The following NALF1 variants were observed in gnomAD, a reference collection of about 807,000 sequenced individuals.
NALF1 encodes the protein family with sequence similarity 155 member A.
NALF1 carries 3 observed loss-of-function variants against 48.4 expected under a neutral mutation model. The observed-to-expected ratio is 0.06, with a 90% CI of 0.03 to 0.16. The LOEUF is 0.16. Among genes scored for constraint, NALF1 ranks in the 10% least tolerant of loss-of-function variants. The probability of loss-of-function intolerance (pLI) is 1.00; values close to 1 mark genes in which losing one functional copy is unlikely to be tolerated. For missense variants in NALF1, 526 were observed against 571.5 expected, an observed-to-expected ratio of 0.92 and a Z score of 0.81; for synonymous variants, 262 against 245.7, an observed-to-expected ratio of 1.07 and a Z score of -0.62.
chr13:107,812,691 G>A (rs1168782258), intron 1 of NALF1, among the ~76,000 whole-genome samples: 1 of 152,146 alleles, frequency 6.6e-6, no homozygotes, highest in African/African-American at 2.4e-5. Context: ...AAGCCATGGA[G>A]TCTGTTTTCA....
At chr13:107,756,456 A>ATATATATATATATATAT (rs1877099055) in intron 1 of NALF1, among the ~76,000 whole-genome samples, 9 of 110,800 alleles carry the variant, frequency 8.1e-5, no homozygotes, top group African/African-American at 3.3e-4. Flanking sequence ...TATATATATA[A>ATATATATATATATATAT]AGCATAAATA....
At position 107,167,755 on chromosome 13, in the gene NALF1, T is replaced by G. The variant is rs1446297711; in HGVS notation, c.*2742A>C. 2.7e-5 allele frequency: 2 copies of G among 75,350 alleles called. No individual in the cohort carries two copies. Among genetic ancestry groups the G allele is most frequent in the East Asian group, 3.2e-4 (1 of 3,088 alleles). The allele number at this position is 75,350 out of a possible 1,614,324, so 4.7% of individuals were successfully genotyped here. On this transcript the variant is annotated 3_prime_UTR_variant, in exon 3 of 3. Transcript: ENST00000375915. ...GTTTCTCCCAACTTTCAAAGCTGTG[T>G]TTTTTTTTGGGGGGTGGGGGGCAGT...
chr13:107,511,253 C>T lies in NALF1; in HGVS notation c.916-300498G>A, dbSNP rs1875881442. 2.0e-5 allele frequency among the ~76,000 whole-genome samples: 3 copies of T among 152,168 alleles called. No individual in the cohort carries two copies. The South Asian group carries it at 6.2e-4, about 32-fold the overall frequency. On this transcript the variant is annotated intron_variant, in intron 1 of 2. Coordinates refer to ENST00000375915, the MANE Select transcript of NALF1 (RefSeq NM_001080396.3). The stretch of plus-strand genomic sequence containing the variant: ...AAATCCGACTCTTCCGTTGTCTGTA[C>T]ATAGTGTGACTAGATCGTATTGTCG...
intron 1 of NALF1, among the ~76,000 whole-genome samples, chr13:107,571,060 A>G (rs1487297119): frequency 6.6e-6 from 1 of 152,236 alleles, no homozygotes; most frequent in Non-Finnish European, 1.5e-5. Context: ...ACTTTTACAA[A>G]CATCATGTAT....
At chr13:107,292,369 T>C (rs1310039815) in intron 1 of NALF1, among the ~76,000 whole-genome samples, 1 of 152,232 alleles carries the variant, frequency 6.6e-6, no homozygotes, top group Admixed American at 6.5e-5. Flanking sequence ...CACTAATTTT[T>C]TTAAACTTTT....
intron 1 of NALF1, among the ~76,000 whole-genome samples, chr13:107,849,388 CTT>C (rs1448807135): frequency 2.0e-5 from 3 of 152,122 alleles, no homozygotes; most frequent in African/African-American, 7.2e-5. Flanking sequence ...GTTTGTAAGA[CTT>C]TGGGAAGATT....
rs1472903598 is a variant in NALF1, at chr13:107,196,673, CAGTGGTCT to C, written c.1087+13903_1087+13910del. On this transcript the variant is annotated intron_variant, in intron 2 of 2. Transcript: ENST00000375915. Reference sequence around the variant, plus strand: ...GTTCAAATATAGAGAGATGATAAAACAGTGGTCTCCATGGTGGGGGAGATGGGGAGATG... The same window carrying C: ...GTTCAAATATAGAGAGATGATAAAACCCATGGTGGGGGAGATGGGGAGATG... Among the ~76,000 whole-genome samples, 24 of 152,052 alleles carry C rather than the reference CAGTGGTCT, an allele frequency of 1.6e-4. 1 individual carries two copies. Among genetic ancestry groups the C allele is most frequent in the Admixed American group, 2.6e-4 (4 of 15,268 alleles).
At chr13:107,479,272 G>T (rs1419348269) in intron 1 of NALF1, among the ~76,000 whole-genome samples, 1 of 152,004 alleles carries the variant, frequency 6.6e-6, no homozygotes, top group African/African-American at 2.4e-5. Context: ...GAGCTATCAG[G>T]GTCTGACTTC....
At chr13:107,306,732 G>A (rs999730786) in intron 1 of NALF1, among the ~76,000 whole-genome samples, 3 of 152,200 alleles carry the variant, frequency 2.0e-5, no homozygotes, top group Non-Finnish European at 4.4e-5. Flanking sequence ...GGGAGGCTGA[G>A]GGAAGTGGAT....
At chr13:107,209,752 T>C (rs1050764255) in intron 2 of NALF1, among the ~76,000 whole-genome samples, 1 of 152,132 alleles carries the variant, frequency 6.6e-6, no homozygotes, top group Non-Finnish European at 1.5e-5. Flanking sequence ...ATCCTTACAC[T>C]TGAAAACAAA....
intron 1 of NALF1, among the ~76,000 whole-genome samples, chr13:107,348,544 T>C (rs2138942362): frequency 6.6e-6 from 1 of 152,188 alleles, no homozygotes; most frequent in Non-Finnish European, 1.5e-5. Flanking sequence ...TCGTCTAGGT[T>C]TTAAGCTCCA....
intron 1 of NALF1, among the ~76,000 whole-genome samples, chr13:107,214,459 T>C (rs1262982044): frequency 6.6e-6 from 1 of 152,148 alleles, no homozygotes; most frequent in African/African-American, 2.4e-5. Flanking sequence ...TAAATAATTA[T>C]ATGAAACGAA....
chr13:107,537,022 T>C (rs543974298), intron 1 of NALF1, among the ~76,000 whole-genome samples: 11 of 152,150 alleles, frequency 7.2e-5, no homozygotes, highest in Middle Eastern at 3.4e-3. Flanking sequence ...TAGGTGGGAA[T>C]TGAACAATGA....
chr13:107,400,596 C>A (rs1055239553), intron 1 of NALF1, among the ~76,000 whole-genome samples: 1 of 151,900 alleles, frequency 6.6e-6, no homozygotes, highest in African/African-American at 2.4e-5. Context: ...GCCTGTAATC[C>A]CAGCTATTCA....
chr13:107,473,316 C>T (rs1885129582), intron 1 of NALF1, among the ~76,000 whole-genome samples: 1 of 152,180 alleles, frequency 6.6e-6, no homozygotes, highest in Non-Finnish European at 1.5e-5. Context: ...AATTTGATAA[C>T]AAATTCACCT....
chr13:107,516,797 T>C (rs1350437326), intron 1 of NALF1, among the ~76,000 whole-genome samples: 1 of 152,206 alleles, frequency 6.6e-6, no homozygotes, highest in Non-Finnish European at 1.5e-5. Context: ...GATTTACTAA[T>C]ATGGAGGCAT....
At chr13:107,328,334 A>G (rs1882406168) in intron 1 of NALF1, among the ~76,000 whole-genome samples, 4 of 150,306 alleles carry the variant, frequency 2.7e-5, no homozygotes, top group Non-Finnish European at 4.4e-5. Flanking sequence ...GGCTCTCACT[A>G]TTCTGTAATT....
At chr13:107,746,896 G>A (rs892096812) in intron 1 of NALF1, among the ~76,000 whole-genome samples, 6 of 152,078 alleles carry the variant, frequency 3.9e-5, no homozygotes, top group Non-Finnish European at 7.4e-5. Context: ...AAATGTACTC[G>A]AAATGGAATA....
At chr13:107,847,573 C>A (rs1310605364) in intron 1 of NALF1, among the ~76,000 whole-genome samples, 1 of 152,156 alleles carries the variant, frequency 6.6e-6, no homozygotes, top group Admixed American at 6.5e-5. Flanking sequence ...TTAAAGAAGC[C>A]AGCTGCCAGA....
Sources: allele counts gnomAD v4.1 joint callset (sites outside exome capture counted in the v4.1 genomes callset), GRCh38; gene constraint gnomAD v4.1.1; transcripts MANE v1.5; gene names NCBI Gene and HGNC (gene_info 2026-07-23, HGNC 2026-07-21).